Variants in GFRAL observed in about 807,000 individuals in gnomAD.
The protein encoded by GFRAL is GDNF family receptor alpha-like.
Under a neutral mutation model 45.4 loss-of-function variants are expected in GFRAL, and 36 were observed. The observed-to-expected ratio is 0.79, with a 90% CI of 0.61 to 1.05. The LOEUF is 1.05. GFRAL is among the 50% of genes least tolerant of loss of function. The pLI, the probability that GFRAL is intolerant of heterozygous loss-of-function variation, is 0.00. For missense variants in GFRAL, 507 were observed against 467.5 expected (o/e 1.08, Z -0.78); for synonymous variants, 166 against 154.1 (o/e 1.08, Z -0.57).
At chr6:55,384,345 T>G (rs542782336) in intron 6 of GFRAL, among the ~76,000 whole-genome samples, 7 of 152,190 alleles carry the variant, frequency 4.6e-5, no homozygotes, top group African/African-American at 1.4e-4. Flanking sequence ...AGAAGCATTA[T>G]TTTTTCTATT....
chr6:55,357,338 G>A (rs1195102557), intron 5 of GFRAL, among the ~76,000 whole-genome samples: 1 of 151,784 alleles, frequency 6.6e-6, no homozygotes, highest in Non-Finnish European at 1.5e-5. Context: ...ACATGTCTAG[G>A]TACTGCAGTG....
chr6:55,366,022 T>C (rs1768357709), intron 6 of GFRAL, among the ~76,000 whole-genome samples: 2 of 150,976 alleles, frequency 1.3e-5, no homozygotes, highest in African/African-American at 4.9e-5. Flanking sequence ...ATGGTACCAG[T>C]TCCTCCTTGT....
intron 6 of GFRAL, among the ~76,000 whole-genome samples, chr6:55,395,394 T>G (rs1768812105): frequency 6.6e-6 from 1 of 151,844 alleles, no homozygotes; most frequent in Non-Finnish European, 1.5e-5. Flanking sequence ...TAGTACAAAC[T>G]ATTTTCATTA....
intron 6 of GFRAL, among the ~76,000 whole-genome samples, chr6:55,390,030 C>T (rs1357755223): frequency 1.3e-5 from 2 of 152,232 alleles, no homozygotes; most frequent in African/African-American, 4.8e-5. Context: ...GCATACCTCA[C>T]TGCCTAAGGT....
chr6:55,350,859 C>T (rs1369648456), intron 4 of GFRAL, among the ~76,000 whole-genome samples: 1 of 152,112 alleles, frequency 6.6e-6, no homozygotes, highest in African/African-American at 2.4e-5. Context: ...AGATTCCCCT[C>T]ACAAAAATGT....
intron 6 of GFRAL, among the ~76,000 whole-genome samples, chr6:55,378,879 G>A (rs1012550246): frequency 4.6e-5 from 7 of 151,956 alleles, no homozygotes; most frequent in Non-Finnish European, 1.0e-4. Flanking sequence ...TCTGTGCATG[G>A]ACAGTAAACA....
chr6:55,334,330 A>T (rs1767866421), intron 3 of GFRAL, among the ~76,000 whole-genome samples: 1 of 152,208 alleles, frequency 6.6e-6, no homozygotes, highest in African/African-American at 2.4e-5. Context: ...CAAATAAGAT[A>T]TTATCTTTGT....
chr6:55,362,196 A>G (rs1768284269), intron 6 of GFRAL, among the ~76,000 whole-genome samples: 1 of 151,720 alleles, frequency 6.6e-6, no homozygotes, highest in South Asian at 2.1e-4. Context: ...CCAGGGTTCT[A>G]CATTGGGTGT....
intron 3 of GFRAL, among the ~76,000 whole-genome samples, chr6:55,343,821 A>C (rs1450465306): frequency 6.6e-6 from 1 of 152,082 alleles, no homozygotes; most frequent in Non-Finnish European, 1.5e-5. Context: ...ATCAAATAGA[A>C]GCAATAAAAA....
chr6:55,352,683 C>CT (rs1248022913), intron 5 of GFRAL, among the ~76,000 whole-genome samples: 1 of 151,954 alleles, frequency 6.6e-6, no homozygotes, highest in Non-Finnish European at 1.5e-5. Context: ...AAGATGGAGT[C>CT]TTTTTTGGAG....
chr6:55,396,311 G>C (rs1253055657), intron 6 of GFRAL, among the ~76,000 whole-genome samples: 6 of 152,134 alleles, frequency 3.9e-5, no homozygotes, highest in Non-Finnish European at 2.9e-5. Context: ...TAGTAAATGA[G>C]ATGATTCTTT....
At chr6:55,363,251 AC>A (rs2127358389) in intron 6 of GFRAL, among the ~76,000 whole-genome samples, 1 of 152,066 alleles carries the variant, frequency 6.6e-6, no homozygotes, top group East Asian at 1.9e-4. Context: ...CTTTTTCTTT[AC>A]TTGTAATACA....
intron 1 of GFRAL, among the ~76,000 whole-genome samples, chr6:55,329,309 G>C (rs1019813633): frequency 6.6e-6 from 1 of 151,868 alleles, no homozygotes; most frequent in African/African-American, 2.4e-5. Flanking sequence ...GTGAAAGGAA[G>C]TAAAACATTA....
intron 6 of GFRAL, among the ~76,000 whole-genome samples, chr6:55,368,230 G>A (rs1364157785): frequency 6.6e-6 from 1 of 151,602 alleles, no homozygotes; most frequent in African/African-American, 2.4e-5. Flanking sequence ...CTAGTTGATC[G>A]CATCAGCTCC....
chr6:55,355,258 A>G (rs886888992), intron 5 of GFRAL, among the ~76,000 whole-genome samples: 9 of 151,868 alleles, frequency 5.9e-5, no homozygotes, highest in South Asian at 4.1e-4. Flanking sequence ...AACTTAGAGG[A>G]CAGGTCAATA....
chr6:55,392,805 T>C (rs1768771303), intron 6 of GFRAL, among the ~76,000 whole-genome samples: 1 of 151,772 alleles, frequency 6.6e-6, no homozygotes, highest in South Asian at 2.1e-4. Flanking sequence ...ATAAAATAAT[T>C]TGCACAACAA....
intron 6 of GFRAL, among the ~76,000 whole-genome samples, chr6:55,397,274 T>C (rs1190617830): frequency 6.6e-6 from 1 of 150,570 alleles, no homozygotes; most frequent in African/African-American, 2.5e-5. Flanking sequence ...ATCCCAGCAC[T>C]TTGGGAGGCC....
intron 6 of GFRAL, among the ~76,000 whole-genome samples, chr6:55,393,786 C>T (rs1024947956): frequency 4.6e-5 from 7 of 151,916 alleles, no homozygotes; most frequent in African/African-American, 1.7e-4. Flanking sequence ...ATGATAGAGG[C>T]TTTAGGATTT....
intron 3 of GFRAL, among the ~76,000 whole-genome samples, chr6:55,346,846 A>AT (rs1768050116): frequency 1.5e-5 from 2 of 137,764 alleles, no homozygotes; most frequent in Non-Finnish European, 1.6e-5. Context: ...CCCCCCCAAA[A>AT]AAAAGAAAAA....
Sources: gnomAD v4.1 joint callset for allele counts (sites outside exome capture counted in the v4.1 genomes callset) on GRCh38, gnomAD v4.1.1 for gene constraint, MANE v1.5 for transcripts, NCBI Gene and HGNC (gene_info 2026-07-23, HGNC 2026-07-21) for gene names.